SLC16A2: variants seen among roughly 807,000 people sequenced by gnomAD.
SLC16A2 encodes the protein solute carrier family 16 member 2, also known as monocarboxylate transporter 8.
Under a neutral mutation model 27.2 loss-of-function variants are expected in SLC16A2, and 3 were observed. That is an observed-to-expected ratio of 0.11 (90% CI 0.05 to 0.28). The LOEUF is 0.28. Ranked by LOEUF, SLC16A2 falls within the 10% of genes least tolerant of loss-of-function variation. The probability of loss-of-function intolerance (pLI) is 1.00; values close to 1 mark genes in which losing one functional copy is unlikely to be tolerated. For missense variants in SLC16A2, 295 were observed against 458.5 expected (o/e 0.64, Z 3.26); for synonymous variants, 202 against 187.8 (o/e 1.08, Z -0.62).
intron 1 of SLC16A2, among the ~76,000 whole-genome samples, chrX:74,506,929 A>ATT (rs1168128237): frequency 3.4e-5 from 1 of 29,470 alleles, no homozygotes; most frequent in African/African-American, 6.2e-5. Context: ...TTATTTATTT[A>ATT]TTTATTTATT....
At chrX:74,501,770 G>A (rs1026025275) in intron 1 of SLC16A2, among the ~76,000 whole-genome samples, 10 of 111,296 alleles carry the variant, frequency 9.0e-5, no homozygotes, top group African/African-American at 2.0e-4. Context: ...CCACAGGGAC[G>A]GGAGGGTACA....
intron 1 of SLC16A2, among the ~76,000 whole-genome samples, chrX:74,445,008 A>G (rs1387113022): frequency 8.9e-6 from 1 of 112,235 alleles, no homozygotes; most frequent in Non-Finnish European, 1.9e-5. Context: ...CACCCACAGG[A>G]GCGGTGACAA....
chrX:74,440,405 TTGTTTG>T (rs1928720550), intron 1 of SLC16A2, among the ~76,000 whole-genome samples: 1 of 110,822 alleles, frequency 9.0e-6, no homozygotes, highest in African/African-American at 3.3e-5. Context: ...GTGTTCTGTT[TTGTTTG>T]TGTGTGTGTA....
chrX:74,478,020 G>A (rs1203891704), intron 1 of SLC16A2, among the ~76,000 whole-genome samples: 1 of 111,866 alleles, frequency 8.9e-6, no homozygotes, highest in Admixed American at 9.5e-5. Flanking sequence ...GTGCAGAGCT[G>A]AGATCAGTTC....
chrX:74,446,620 AAAACAAAC>A (rs77126990), intron 1 of SLC16A2, among the ~76,000 whole-genome samples: 10,915 of 106,693 alleles, frequency 0.1, 1,300 homozygotes, highest in East Asian at 0.87. Flanking sequence ...ACCCTGTTTC[AAAACAAAC>A]AAACAAACAA....
intron 1 of SLC16A2, among the ~76,000 whole-genome samples, chrX:74,509,946 G>A (rs148883744): frequency 0.052 from 5,832 of 112,097 alleles, 151 homozygotes; most frequent in African/African-American, 0.11. Flanking sequence ...ATCTTCATCT[G>A]TCATTTTCTT....
intron 1 of SLC16A2, among the ~76,000 whole-genome samples, chrX:74,436,660 A>C (rs1002323905): frequency 1.8e-5 from 2 of 111,847 alleles, no homozygotes; most frequent in East Asian, 5.6e-4. Context: ...AATGTTTCCT[A>C]TTCTTATTAT....
At chrX:74,441,714 T>C (rs767566385) in intron 1 of SLC16A2, among the ~76,000 whole-genome samples, 39 of 111,506 alleles carry the variant, frequency 3.5e-4, no homozygotes, top group Admixed American at 1.7e-3. Flanking sequence ...TGGTTTGCCT[T>C]GGAGACAAAC....
chrX:74,495,645 A>G (rs1602131700), intron 1 of SLC16A2, among the ~76,000 whole-genome samples: 1 of 108,053 alleles, frequency 9.3e-6, no homozygotes, highest in East Asian at 2.9e-4. Flanking sequence ...AAGGGGCTGG[A>G]CCAGCTGCTC....
At chrX:74,473,991 C>T in intron 1 of SLC16A2, 1 of 258,287 alleles carries the variant, frequency 3.9e-6, no homozygotes, top group Non-Finnish European at 7.1e-6. Flanking sequence ...GACGCTTCCT[C>T]AGCAGTGTCC....
At chrX:74,526,205 G>A (rs942769761) in intron 4 of SLC16A2, among the ~76,000 whole-genome samples, 2 of 111,964 alleles carry the variant, frequency 1.8e-5, no homozygotes, top group African/African-American at 6.5e-5. Context: ...CTCTGGTCTG[G>A]TCTGAATACA....
intron 1 of SLC16A2, among the ~76,000 whole-genome samples, chrX:74,487,806 G>GT (rs1187343509): frequency 1.4e-4 from 15 of 108,691 alleles, no homozygotes; most frequent in Non-Finnish European, 2.3e-4. Flanking sequence ...ATAATTGTTG[G>GT]TTTTTTTTTC....
Position 74,430,820 on chromosome X carries a change from C to T in SLC16A2, c.430+8753C>T, listed in dbSNP as rs766140149. Among the ~76,000 whole-genome samples the T allele has an allele frequency of 6.2e-5, 7 of 112,599 alleles. No homozygotes were observed. In the South Asian group the frequency reaches 1.9e-3, roughly 30 times the overall value. ...GCAGTGGCACGATCTTCGCTCATTG[C>T]AGCCTTGACCTCCCAGACTCAAGGG... is the stretch of plus-strand genomic sequence containing the variant. On this transcript the variant is annotated intron_variant, in intron 1 of 5. Coordinates refer to ENST00000587091, the MANE Select transcript of SLC16A2 (RefSeq NM_006517.5).
intron 1 of SLC16A2, among the ~76,000 whole-genome samples, chrX:74,485,467 A>G (rs1329325343): frequency 1.8e-5 from 2 of 110,301 alleles, no homozygotes; most frequent in African/African-American, 3.3e-5. Context: ...CCTTGTCACA[A>G]GGTATCTTTA....
intron 1 of SLC16A2, among the ~76,000 whole-genome samples, chrX:74,446,155 G>T (rs1928833870): frequency 9.0e-6 from 1 of 110,704 alleles, no homozygotes; most frequent in African/African-American, 3.3e-5. Context: ...GGACCAATCA[G>T]ATTTCTGAGC....
intron 1 of SLC16A2, among the ~76,000 whole-genome samples, chrX:74,492,549 G>A (rs749845382): frequency 2.7e-5 from 3 of 110,965 alleles, no homozygotes; most frequent in East Asian, 5.7e-4. Context: ...GTCTAGCCAA[G>A]TCAGGTGATT....
chrX:74,496,273 C>G (rs935600331), intron 1 of SLC16A2, among the ~76,000 whole-genome samples: 5 of 39,362 alleles, frequency 1.3e-4, no homozygotes, highest in South Asian at 8.7e-4. Flanking sequence ...CACACACACA[C>G]ACGCACACAC....
At chrX:74,501,663 C>T (rs369321879) in intron 1 of SLC16A2, among the ~76,000 whole-genome samples, 14 of 111,190 alleles carry the variant, frequency 1.3e-4, no homozygotes, top group East Asian at 8.5e-4. Context: ...GCTGGCCCAC[C>T]GCATGGAAAG....
chrX:74,499,321 TCTC>T (rs1338272112), intron 1 of SLC16A2, among the ~76,000 whole-genome samples: 1 of 110,474 alleles, frequency 9.1e-6, no homozygotes, highest in African/African-American at 3.3e-5. Flanking sequence ...CCACTACTCT[TCTC>T]CTTGACTAAG....
Sources: allele counts gnomAD v4.1 joint callset (sites outside exome capture counted in the v4.1 genomes callset), GRCh38; gene constraint gnomAD v4.1.1; transcripts MANE v1.5; gene names NCBI Gene and HGNC (gene_info 2026-07-23, HGNC 2026-07-21).